Variants in SCN9A observed in about 807,000 individuals in gnomAD.
SCN9A encodes the protein sodium channel protein type 9 subunit alpha.
A neutral mutation model predicts 187.0 loss-of-function variants in SCN9A; 131 were observed. The ratio of observed to expected loss-of-function variants is 0.70; its 90% CI spans 0.61 to 0.81. The LOEUF (loss-of-function observed/expected upper bound fraction) is 0.81, where lower values mean the gene tolerates loss of function less well. Ranked by LOEUF, SCN9A falls within the 30% of genes least tolerant of loss-of-function variation. The pLI is 0.00. For missense variants in SCN9A, 2,252 were observed against 2,396.6 expected (o/e 0.94, Z 1.26); for synonymous variants, 809 against 808.6 (o/e 1.00, Z -0.01).
chr2:166,341,413 A>T (rs1378461625), intron 1 of SCN9A, among the ~76,000 whole-genome samples: 1 of 152,370 alleles, frequency 6.6e-6, no homozygotes. Flanking sequence ...TATGACCAGA[A>T]GTCAGGCTTT....
At chr2:166,293,393 T>C in intron 8 of SCN9A, 21 bp from the exon 9 acceptor site, 1 of 1,580,068 alleles carries the variant, frequency 6.3e-7, no homozygotes, top group East Asian at 2.3e-5. Context: ...GAAAGAACAT[T>C]ATAGGTGAGA....
chr2:166,278,313 C>T lies in SCN9A; in HGVS notation c.2344G>A (p.Val782Ile). ...TCAGCTGCAAAGATTCCAGTAAAGACCTAAGTGAGAAAAATAATGTTTTTC... is the reference window on the plus strand; with the variant it reads ...TCAGCTGCAAAGATTCCAGTAAAGATCTAAGTGAGAAAAATAATGTTTTTC... Reference protein sequence around the residue: ...FKNVLAIGNLVFTGIFAAEMV... With the variant: ...FKNVLAIGNLIFTGIFAAEMV... The change falls in exon 15 of 27, where the codon GTC (valine) becomes ATC (isoleucine). Residue 782 changes from valine to isoleucine, a missense_variant and splice_region_variant. This residue lies in a region of SCN9A where 1,013 missense variants were observed against 997.4 expected (regional missense o/e 1.02). Transcript: ENST00000642356. The T allele has an allele frequency of 6.3e-7, 1 of 1,580,860 alleles. No individual in the cohort carries two copies. Among genetic ancestry groups the T allele is most frequent in the Non-Finnish European group, 8.6e-7 (1 of 1,167,470 alleles).
At chr2:166,251,284 G>A (rs1477806821) in intron 18 of SCN9A, among the ~76,000 whole-genome samples, 1 of 152,058 alleles carries the variant, frequency 6.6e-6, no homozygotes, top group Admixed American at 6.6e-5. Context: ...GAAATAGAGA[G>A]AGGAACTCAG....
intron 17 of SCN9A, among the ~76,000 whole-genome samples, chr2:166,265,453 G>A (rs753434613): frequency 2.0e-5 from 3 of 151,846 alleles, no homozygotes; most frequent in East Asian, 1.9e-4. Context: ...ATTTATTTAC[G>A]ATCATTTAGG....
chr2:166,338,501 T>C (rs1269559960), intron 1 of SCN9A, among the ~76,000 whole-genome samples: 1 of 152,112 alleles, frequency 6.6e-6, no homozygotes, highest in African/African-American at 2.4e-5. Flanking sequence ...AATTTTTTAT[T>C]GTGAGCTAAT....
chr2:166,222,803 C>T (rs1443973106), intron 24 of SCN9A, among the ~76,000 whole-genome samples: 4 of 141,964 alleles, frequency 2.8e-5, no homozygotes, highest in Admixed American at 6.9e-5. Flanking sequence ...TGGTGGCGCA[C>T]GCCTGTAGTC....
At chr2:166,203,789 A>G (rs1336278720) in intron 26 of SCN9A, among the ~76,000 whole-genome samples, 166 bp downstream of exon 26, 1 of 151,974 alleles carries the variant, frequency 6.6e-6, no homozygotes, top group African/African-American at 2.4e-5. Context: ...ACACTGTAGT[A>G]TGAGAGACAG....
chr2:166,261,073 T>C (rs1696484223), intron 17 of SCN9A, among the ~76,000 whole-genome samples: 1 of 151,944 alleles, frequency 6.6e-6, no homozygotes, highest in African/African-American at 2.4e-5. Flanking sequence ...TTACAATTGA[T>C]GCATATTATT....
intron 1 of SCN9A, among the ~76,000 whole-genome samples, chr2:166,336,425 C>G (rs1363741951): frequency 1.3e-5 from 2 of 152,046 alleles, no homozygotes; most frequent in Non-Finnish European, 2.9e-5. Context: ...ATATCGGACT[C>G]TCCTCCCTCA....
At chr2:166,282,824 A>C (rs1428699156) in intron 12 of SCN9A, among the ~76,000 whole-genome samples, 2 of 152,148 alleles carry the variant, frequency 1.3e-5, no homozygotes, top group African/African-American at 4.8e-5. Flanking sequence ...AGATCTCTGT[A>C]AAAAGTCAAC....
intron 17 of SCN9A, among the ~76,000 whole-genome samples, chr2:166,261,043 A>T (rs1481117512): frequency 6.6e-6 from 1 of 151,894 alleles, no homozygotes; most frequent in African/African-American, 2.4e-5. Context: ...ATTTTATACA[A>T]TATGTTTCAA....
At chr2:166,303,921 G>T in intron 6 of SCN9A, 1 of 1,122,172 alleles carries the variant, frequency 8.9e-7, no homozygotes, top group Non-Finnish European at 1.3e-6. Flanking sequence ...GATAATGATT[G>T]TGGAAAACAG....
Position 166,226,602 on chromosome 2 carries a change from C to A in SCN9A, c.4363G>T (p.Val1455Phe). The A allele has an allele frequency of 6.3e-7, 1 of 1,582,760 alleles. No individual in the cohort carries two copies. The highest frequency in any genetic ancestry group is 1.2e-5 in the South Asian group (1 of 83,430). ...TGTTGGTTGAAATTATCTATGATGA[C>A]ACCAATGAACAAGTTCAAAGTGAAG... is the stretch of plus-strand genomic sequence containing the variant. ...SFFTLNLFIG[V>F]IIDNFNQQKK... Residue 1455 changes from valine to phenylalanine, a missense_variant, in exon 24 of 27, where the codon GTC becomes TTC. Coordinates refer to ENST00000642356, the MANE Select transcript of SCN9A (RefSeq NM_001365536.1).
chr2:166,313,011 TTAAA>T (rs1699009933), intron 1 of SCN9A, among the ~76,000 whole-genome samples: 1 of 144,242 alleles, frequency 6.9e-6, no homozygotes, highest in Admixed American at 7.0e-5. Flanking sequence ...TTCTGAATAA[TTAAA>T]TAATATAGTT....
chr2:166,374,886 C>G (rs1380857502), intron 1 of SCN9A, among the ~76,000 whole-genome samples: 1 of 150,998 alleles, frequency 6.6e-6, no homozygotes, highest in Non-Finnish European at 1.5e-5. Context: ...CTCTTAACAT[C>G]AGAGTAGATA....
rs941479981 is a variant in SCN9A, at chr2:166,197,624, C to T, written c.*1048G>A. ...TTGTATACAAGTGATGCAATAAATA[C>T]TGTGCCCAAGTTATTATCTGCTCAA... On this transcript the variant is annotated 3_prime_UTR_variant, in exon 27 of 27. Coordinates refer to ENST00000642356, the MANE Select transcript of SCN9A (RefSeq NM_001365536.1). 3.9e-5 allele frequency: 6 copies of T among 152,118 alleles called. No homozygotes were observed. The highest frequency in any genetic ancestry group is 1.3e-4 in the Admixed American group (2 of 15,280). The allele number at this position is 152,118 out of a possible 1,614,324, so 9.4% of individuals were successfully genotyped here.
chr2:166,301,270 G>C (rs1232067727), intron 7 of SCN9A: 1 of 150,580 alleles, frequency 6.6e-6, no homozygotes, highest in African/African-American at 2.5e-5. Context: ...TAATCTATTA[G>C]TATATTCTTG....
intron 9 of SCN9A, among the ~76,000 whole-genome samples, chr2:166,289,206 T>C (rs1697926135): frequency 6.6e-6 from 1 of 151,936 alleles, no homozygotes; most frequent in South Asian, 2.1e-4. Context: ...AGAGATTTTT[T>C]TTTCTTTTTT....
At chr2:166,320,626 A>C (rs1281722921) in intron 1 of SCN9A, among the ~76,000 whole-genome samples, 3 of 152,184 alleles carry the variant, frequency 2.0e-5, no homozygotes, top group Non-Finnish European at 4.4e-5. Context: ...CATGGTTTTC[A>C]ACAATATCAA....
Sources: allele counts gnomAD v4.1 joint callset (sites outside exome capture counted in the v4.1 genomes callset), GRCh38; gene constraint gnomAD v4.1.1; regional missense constraint gnomAD v4.1.1; transcripts MANE v1.5; gene names NCBI Gene and HGNC (gene_info 2026-07-23, HGNC 2026-07-21).